LRRC37A2: variants seen among roughly 807,000 people sequenced by gnomAD.
The protein encoded by LRRC37A2 is leucine rich repeat containing 37 member A2, also known as leucine-rich repeat-containing protein 37A2.
Under a neutral mutation model 68.8 loss-of-function variants are expected in LRRC37A2, and 9 were observed. The ratio of observed to expected loss-of-function variants is 0.13; its 90% CI spans 0.08 to 0.23. LRRC37A2 has a LOEUF of 0.23. LRRC37A2 is among the 10% of genes least tolerant of loss of function. LRRC37A2 has a pLI of 1.00. For missense variants in LRRC37A2, 168 were observed against 950.4 expected (o/e 0.18, Z 10.82); for synonymous variants, 63 against 367.6 (o/e 0.17, Z 9.48).
At chr17:46,916,523 G>C in the LRRC37A2 span, among the ~76,000 whole-genome samples, 9 of 152,212 alleles carry the variant, frequency 5.9e-5, no homozygotes, top group Admixed American at 2.0e-4. Context: ...ACTCTGATCG[G>C]CGAAATTTTA....
At chr17:46,732,487 A>G in the LRRC37A2 span, among the ~76,000 whole-genome samples, 1 of 151,980 alleles carries the variant, frequency 6.6e-6, no homozygotes. Context: ...TTCAGTTACT[A>G]GGATAATTTT....
At chr17:46,879,881 G>A in the LRRC37A2 span, among the ~76,000 whole-genome samples, 1 of 152,180 alleles carries the variant, frequency 6.6e-6, no homozygotes, top group African/African-American at 2.4e-5. Context: ...TGCCTGAGAA[G>A]GCTGGAGAGA....
the LRRC37A2 span, chr17:46,818,575 A>G: frequency 6.2e-7 from 1 of 1,605,908 alleles, no homozygotes; most frequent in South Asian, 1.1e-5. Context: ...GCCGAGGAGC[A>G]GCCCGAGCAG....
At chr17:46,890,479 C>T in the LRRC37A2 span, among the ~76,000 whole-genome samples, 1 of 152,166 alleles carries the variant, frequency 6.6e-6, no homozygotes, top group African/African-American at 2.4e-5. Context: ...GAGGTCTTGG[C>T]ATCCCAGGAC....
At chr17:46,755,575 C>T in the LRRC37A2 span, 2 of 684,372 alleles carry the variant, frequency 2.9e-6, no homozygotes, top group Admixed American at 2.9e-5. Context: ...ACTTCCTTGT[C>T]ACAATGCAGG....
chr17:46,833,034 G>A, the LRRC37A2 span: 2 of 310,012 alleles, frequency 6.5e-6, no homozygotes, highest in Admixed American at 4.5e-5. Context: ...CTTGGGGACT[G>A]TCCCTGCAGC....
chr17:46,960,344 T>C, the LRRC37A2 span, among the ~76,000 whole-genome samples: 2 of 152,080 alleles, frequency 1.3e-5, no homozygotes, highest in African/African-American at 4.8e-5. Flanking sequence ...ACACAAAATC[T>C]GACAATATCA....
the LRRC37A2 span, among the ~76,000 whole-genome samples, chr17:46,827,865 A>G: frequency 6.8e-6 from 1 of 147,788 alleles, no homozygotes; most frequent in Admixed American, 6.9e-5. Flanking sequence ...GCTGGAGTGC[A>G]GTGGTGCAAT....
chr17:46,942,687 G>GTCC, the LRRC37A2 span, among the ~76,000 whole-genome samples: 3 of 152,228 alleles, frequency 2.0e-5, no homozygotes, highest in African/African-American at 4.8e-5. Flanking sequence ...AGTGAAAGCT[G>GTCC]TCCTCAGGCC....
the LRRC37A2 span, among the ~76,000 whole-genome samples, chr17:46,789,431 G>A: frequency 1.3e-5 from 2 of 152,186 alleles, no homozygotes; most frequent in Non-Finnish European, 2.9e-5. Context: ...CAGGATCAGA[G>A]CCTCTGGGGA....
At chr17:46,795,770 G>A in the LRRC37A2 span, among the ~76,000 whole-genome samples, 1 of 152,136 alleles carries the variant, frequency 6.6e-6, no homozygotes, top group African/African-American at 2.4e-5. Flanking sequence ...GTCTTCCTTG[G>A]TCTGTCATGA....
chr17:47,034,782 C>T, the LRRC37A2 span, among the ~76,000 whole-genome samples: 4 of 150,344 alleles, frequency 2.7e-5, no homozygotes, highest in Non-Finnish European at 4.4e-5. Flanking sequence ...AAGAGGTAGC[C>T]GACTTTGTAC....
At chr17:46,788,039 G>A in the LRRC37A2 span, among the ~76,000 whole-genome samples, 1 of 152,014 alleles carries the variant, frequency 6.6e-6, no homozygotes, top group Non-Finnish European at 1.5e-5. Flanking sequence ...GTTGCAGAGT[G>A]TGAGAAGTCC....
the LRRC37A2 span, among the ~76,000 whole-genome samples, chr17:46,953,120 A>C: frequency 6.6e-6 from 1 of 152,000 alleles, no homozygotes. Flanking sequence ...ATATGTATAC[A>C]TGTGCCATGT....
the LRRC37A2 span, among the ~76,000 whole-genome samples, chr17:46,840,214 G>A: frequency 6.6e-6 from 1 of 151,784 alleles, no homozygotes; most frequent in African/African-American, 2.4e-5. Flanking sequence ...AGCCTCCCGA[G>A]TAGCTGGTAC....
chr17:47,018,423 T>C, the LRRC37A2 span: 1 of 1,588,842 alleles, frequency 6.3e-7, no homozygotes, highest in South Asian at 1.1e-5. Context: ...ACCCAGTGTC[T>C]CTGTGAAGCC....
At chr17:46,773,503 C>G in the LRRC37A2 span, among the ~76,000 whole-genome samples, 1 of 152,106 alleles carries the variant, frequency 6.6e-6, no homozygotes, top group African/African-American at 2.4e-5. Flanking sequence ...GGCCCAGCCC[C>G]CAGCAGCGCC....
the LRRC37A2 span, among the ~76,000 whole-genome samples, chr17:46,688,227 G>A: frequency 6.6e-6 from 1 of 150,710 alleles, no homozygotes; most frequent in African/African-American, 2.5e-5. Context: ...ACTTTATTGG[G>A]AAGCTGGGCC....
the LRRC37A2 span, among the ~76,000 whole-genome samples, chr17:46,900,204 C>CATACATATATATAT: frequency 8.9e-6 from 1 of 112,076 alleles, no homozygotes; most frequent in African/African-American, 4.5e-5. Flanking sequence ...TATATATATA[C>CATACATATATATAT]ACACACACAC....
Sources: allele counts gnomAD v4.1 joint callset (sites outside exome capture counted in the v4.1 genomes callset), GRCh38; gene constraint gnomAD v4.1.1; transcripts MANE v1.5; gene names NCBI Gene and HGNC (gene_info 2026-07-23, HGNC 2026-07-21).